CIB2: variants seen among roughly 807,000 people sequenced by gnomAD.
CIB2 encodes calcium and integrin-binding family member 2.
CIB2 carries 19 observed loss-of-function variants against 23.1 expected under a neutral mutation model. The ratio of observed to expected loss-of-function variants is 0.82; its 90% confidence interval spans 0.57 to 1.21. The LOEUF is 1.21. Ranked by LOEUF, CIB2 falls within the 50% of genes most tolerant of loss-of-function variation. The pLI is 0.00. For synonymous variants in CIB2, 94 were observed against 91.7 expected (o/e 1.03, Z -0.14); for missense variants, 220 against 241.5 (o/e 0.91, Z 0.59).
At chr15:78,130,282 G>A (rs938288213) in intron 1 of CIB2, among the ~76,000 whole-genome samples, 3 of 152,176 alleles carry the variant, frequency 2.0e-5, no homozygotes, top group Admixed American at 2.0e-4. Flanking sequence ...AAATGGCATG[G>A]GCAGAGGGAG....
chr15:78,109,856 T>C (rs2074130108), intron 3 of CIB2, among the ~76,000 whole-genome samples: 1 of 150,008 alleles, frequency 6.7e-6, no homozygotes, highest in Non-Finnish European at 1.5e-5. Flanking sequence ...GTGTTATCAC[T>C]GGAGGCACTG....
chr15:78,121,704 G>GT (rs2074321638), intron 2 of CIB2, among the ~76,000 whole-genome samples: 1 of 152,162 alleles, frequency 6.6e-6, no homozygotes, highest in Non-Finnish European at 1.5e-5. Context: ...TGCCATGATT[G>GT]TAAGTTTCCT....
intron 1 of CIB2, among the ~76,000 whole-genome samples, chr15:78,129,203 C>A (rs73458999): frequency 1.1e-4 from 16 of 152,184 alleles, no homozygotes; most frequent in East Asian, 7.7e-4. Context: ...GGCTCACCCC[C>A]ACTCAGCCCG....
intron 4 of CIB2, among the ~76,000 whole-genome samples, chr15:78,107,308 C>T (rs1182041411): frequency 6.6e-6 from 1 of 152,114 alleles, no homozygotes; most frequent in East Asian, 1.9e-4. Flanking sequence ...CATTGTTGGA[C>T]CCTAGAGCCC....
Position 78,105,468 on chromosome 15 carries a change from G to A in CIB2, c.543-136C>T, listed in dbSNP as rs115035173. 2.0e-3 allele frequency: 3,107 copies of A among 1,540,852 alleles called. 63 individuals are homozygous for A. In the African/African-American group the frequency reaches 0.037, roughly 18 times the overall value. On this transcript the variant is annotated intron_variant, in intron 5 of 5. Transcript: ENST00000258930. Reference sequence around the variant, plus strand: ...TAGGGAACCCTGCATAGTGGATGCAGGTAATCAACACTGGGGGAAGACGGA... The same window carrying A: ...TAGGGAACCCTGCATAGTGGATGCAAGTAATCAACACTGGGGGAAGACGGA...
intron 2 of CIB2, among the ~76,000 whole-genome samples, chr15:78,116,355 T>C (rs1325784038): frequency 6.6e-6 from 1 of 151,706 alleles, no homozygotes; most frequent in East Asian, 1.9e-4. Context: ...TAGTCCCAGC[T>C]ACTTGGGAGG....
intron 4 of CIB2, 38 bp downstream of exon 4, chr15:78,109,197 C>T: frequency 7.9e-7 from 1 of 1,273,600 alleles, no homozygotes; most frequent in Non-Finnish European, 1.1e-6. Context: ...CATGTTCCCC[C>T]ACCGCATATT....
intron 3 of CIB2, 92 bp from the exon 4 acceptor site, chr15:78,109,474 G>T: frequency 6.9e-7 from 1 of 1,459,726 alleles, no homozygotes; most frequent in Non-Finnish European, 9.5e-7. Flanking sequence ...GACCCTGGAG[G>T]AGTGACCAAA....
chr15:78,115,676 C>CTTTTTTTT (rs56754406), intron 2 of CIB2, among the ~76,000 whole-genome samples: 13 of 71,314 alleles, frequency 1.8e-4, no homozygotes, highest in South Asian at 6.3e-4. Flanking sequence ...ATCTCCTTCT[C>CTTTTTTTT]TTTTTTTTTT....
chr15:78,117,794 C>A lies in CIB2; in HGVS notation c.86+5911G>T, dbSNP rs1222456402. ...TTTATTTACAGTGCATGCTGGCCCC[C>A]CTGACAGGCAGCTGAGCTTCAGACT... is the stretch of plus-strand genomic sequence containing the variant. On this transcript the variant is annotated intron_variant, in intron 2 of 5. Transcript: ENST00000258930. Among the ~76,000 whole-genome samples, 3 of 152,202 alleles carry A rather than the reference C, an allele frequency of 2.0e-5. No individual in the cohort carries two copies. The East Asian group carries it at 5.8e-4, about 29-fold the overall frequency.
At chr15:78,118,964 T>C (rs1317104754) in intron 2 of CIB2, among the ~76,000 whole-genome samples, 4 of 152,126 alleles carry the variant, frequency 2.6e-5, no homozygotes, top group Admixed American at 6.5e-5. Context: ...GTGGATCATT[T>C]GAGGTCAGGA....
intron 2 of CIB2, among the ~76,000 whole-genome samples, chr15:78,111,938 C>G (rs1226906840): frequency 6.6e-6 from 1 of 152,190 alleles, no homozygotes; most frequent in Non-Finnish European, 1.5e-5. Flanking sequence ...AGTCCTCACA[C>G]CCTCAGGAAG....
At chr15:78,130,283 G>A (rs1257583519) in intron 1 of CIB2, among the ~76,000 whole-genome samples, 1 of 152,174 alleles carries the variant, frequency 6.6e-6, no homozygotes, top group East Asian at 1.9e-4. Flanking sequence ...AATGGCATGG[G>A]CAGAGGGAGA....
chr15:78,126,807 C>A (rs916193048), intron 1 of CIB2, among the ~76,000 whole-genome samples: 1 of 152,230 alleles, frequency 6.6e-6, no homozygotes, highest in East Asian at 1.9e-4. Flanking sequence ...CATGAACCTG[C>A]TCATCAACTG....
intron 2 of CIB2, among the ~76,000 whole-genome samples, chr15:78,118,700 C>T (rs1189728637): frequency 6.6e-6 from 1 of 151,960 alleles, no homozygotes; most frequent in East Asian, 1.9e-4. Context: ...CCATCTTAAC[C>T]ATTTTGATGG....
At position 78,111,160 on chromosome 15, in the gene CIB2, C is replaced by G; in HGVS notation, c.198+5G>C. ...CTGCTCGCCAGCAAGAGGTCCTGCA[C>G]ATACCCGGAGCTCTGGCATCTGGAT... On this transcript the variant is annotated splice_donor_5th_base_variant and intron_variant, in intron 3 of 5. Transcript: ENST00000258930. The G allele has an allele frequency of 6.2e-7, 1 of 1,613,288 alleles. No homozygotes were observed. Among genetic ancestry groups the G allele is most frequent in the Non-Finnish European group, 8.5e-7 (1 of 1,179,212 alleles).
At chr15:78,116,929 TA>T (rs530078963) in intron 2 of CIB2, among the ~76,000 whole-genome samples, 3 of 136,992 alleles carry the variant, frequency 2.2e-5, no homozygotes, top group South Asian at 2.3e-4. Context: ...TTTTTTTAAT[TA>T]AAAAAAATGA....
intron 2 of CIB2, among the ~76,000 whole-genome samples, chr15:78,113,812 T>A (rs2074197590): frequency 6.6e-6 from 1 of 152,202 alleles, no homozygotes. Flanking sequence ...TTACAAGGCA[T>A]CTTCTTTCAT....
At chr15:78,128,589 A>T (rs538255150) in intron 1 of CIB2, among the ~76,000 whole-genome samples, 1 of 152,048 alleles carries the variant, frequency 6.6e-6, no homozygotes, top group East Asian at 1.9e-4. Flanking sequence ...AGGCAGGGAA[A>T]ATTGCTTGAA....
Sources: gnomAD v4.1 joint callset for allele counts (sites outside exome capture counted in the v4.1 genomes callset) on GRCh38, gnomAD v4.1.1 for gene constraint, MANE v1.5 for transcripts, NCBI Gene and HGNC (gene_info 2026-07-23, HGNC 2026-07-21) for gene names.